The following COMMD1 variants were observed in gnomAD, a reference collection of about 807,000 sequenced individuals.
COMMD1 encodes the protein copper metabolism domain containing 1, also known as COMM domain-containing protein 1.
COMMD1 carries 10 observed loss-of-function variants against 17.2 expected under a neutral mutation model. The ratio of observed to expected loss-of-function variants is 0.58; its 90% CI spans 0.36 to 0.99. COMMD1 has a LOEUF of 0.99. Ranked by LOEUF, COMMD1 falls within the 50% of genes least tolerant of loss-of-function variation. The pLI, the probability that COMMD1 is intolerant of heterozygous loss-of-function variation, is 0.01. For missense variants in COMMD1, 270 were observed against 231.8 expected (o/e 1.17, Z -1.07); for synonymous variants, 97 against 91.6 (o/e 1.06, Z -0.34).
intron 2 of COMMD1, among the ~76,000 whole-genome samples, chr2:62,008,363 C>G (rs1573062907): frequency 8.7e-6 from 1 of 115,094 alleles, no homozygotes; most frequent in Admixed American, 8.2e-5. Context: ...CACAGACAGA[C>G]ACACACACAC....
chr2:62,109,762 C>T (rs1438046855), intron 2 of COMMD1, among the ~76,000 whole-genome samples: 1 of 152,002 alleles, frequency 6.6e-6, no homozygotes, highest in Non-Finnish European at 1.5e-5. Context: ...CTCCACTAAC[C>T]CTAACAACTA....
At chr2:62,058,202 G>A (rs1217874260) in intron 2 of COMMD1, among the ~76,000 whole-genome samples, 2 of 152,212 alleles carry the variant, frequency 1.3e-5, no homozygotes, top group African/African-American at 4.8e-5. Flanking sequence ...AGTTGTTAGT[G>A]TAGTATTTAC....
chr2:62,132,771 C>G (rs545572786), intron 2 of COMMD1, among the ~76,000 whole-genome samples: 328 of 152,080 alleles, frequency 2.2e-3, no homozygotes, highest in Non-Finnish European at 3.6e-3. Context: ...ATTGCCTGAA[C>G]CTGGGAGGCA....
At chr2:62,087,946 G>A (rs1671714530) in intron 2 of COMMD1, among the ~76,000 whole-genome samples, 1 of 152,076 alleles carries the variant, frequency 6.6e-6, no homozygotes, top group Non-Finnish European at 1.5e-5. Flanking sequence ...TTACTCCTGA[G>A]TCTCAGGGGT....
intron 2 of COMMD1, among the ~76,000 whole-genome samples, chr2:62,054,996 A>G (rs1217171453): frequency 2.6e-5 from 4 of 152,204 alleles, no homozygotes; most frequent in African/African-American, 4.8e-5. Flanking sequence ...TGGTGATGCT[A>G]CTAGCACTGG....
At chr2:61,933,460 G>A (rs1670522550) in intron 1 of COMMD1, among the ~76,000 whole-genome samples, 1 of 151,948 alleles carries the variant, frequency 6.6e-6, no homozygotes, top group African/African-American at 2.4e-5. Context: ...TTCACTTAGT[G>A]CAGAGGTTCC....
Position 61,931,884 on chromosome 2 carries a change from A to G in COMMD1, c.180+26026A>G, listed in dbSNP as rs551791372. Among the ~76,000 whole-genome samples, 7 of 152,326 alleles carry G rather than the reference A, an allele frequency of 4.6e-5. No individual in the cohort carries two copies. The South Asian group carries it at 1.4e-3, about 32-fold the overall frequency. ...TCCGTTAGGAAAGACAGCTTTGAGGAATGAGAATTTTGAGAAGATACGTAC... is the reference window on the plus strand; with the variant it reads ...TCCGTTAGGAAAGACAGCTTTGAGGGATGAGAATTTTGAGAAGATACGTAC... On this transcript the variant is annotated intron_variant, in intron 1 of 2. Coordinates refer to ENST00000311832, the MANE Select transcript of COMMD1 (RefSeq NM_152516.4).
chr2:61,957,042 C>T (rs1271022783), intron 1 of COMMD1, among the ~76,000 whole-genome samples: 6 of 152,072 alleles, frequency 3.9e-5, no homozygotes, highest in South Asian at 2.1e-4. Context: ...TGAGCCACCA[C>T]GCCCGGCAAG....
intron 1 of COMMD1, among the ~76,000 whole-genome samples, chr2:61,987,361 TG>T (rs372527396): frequency 3.3e-5 from 5 of 152,300 alleles, no homozygotes; most frequent in African/African-American, 9.6e-5. Flanking sequence ...TTTGAAAGGA[TG>T]GGGGTGTTGT....
At chr2:62,019,175 T>G (rs1430233438) in intron 2 of COMMD1, among the ~76,000 whole-genome samples, 1 of 143,266 alleles carries the variant, frequency 7.0e-6, no homozygotes, top group East Asian at 2.3e-4. Context: ...CCTTTCTCTT[T>G]TCTTTCATTT....
chr2:62,025,368 A>G (rs1669726622), intron 2 of COMMD1, among the ~76,000 whole-genome samples: 1 of 152,006 alleles, frequency 6.6e-6, no homozygotes. Flanking sequence ...TCTACAAAAA[A>G]ATTCTTAAAA....
At chr2:62,009,776 T>G (rs1265585048) in intron 2 of COMMD1, among the ~76,000 whole-genome samples, 1 of 152,018 alleles carries the variant, frequency 6.6e-6, no homozygotes, top group East Asian at 1.9e-4. Flanking sequence ...AGGGAATGTT[T>G]TAACAAAGTA....
chr2:61,916,561 A>G (rs1670055971), intron 1 of COMMD1, among the ~76,000 whole-genome samples: 1 of 152,020 alleles, frequency 6.6e-6, no homozygotes, highest in Non-Finnish European at 1.5e-5. Flanking sequence ...GGCTGGGACT[A>G]CAGGTGTGTG....
chr2:62,045,862 G>T (rs1230512094), intron 2 of COMMD1, among the ~76,000 whole-genome samples: 1 of 145,340 alleles, frequency 6.9e-6, no homozygotes, highest in Admixed American at 7.2e-5. Context: ...TCAGCCTCCC[G>T]AGTAGCTGGG....
intron 1 of COMMD1, among the ~76,000 whole-genome samples, chr2:61,909,573 A>T (rs1243970396): frequency 6.6e-6 from 1 of 152,186 alleles, no homozygotes; most frequent in Non-Finnish European, 1.5e-5. Context: ...ACCAATGTGG[A>T]GTATTGGTGG....
chr2:62,058,614 G>A (rs10180503), intron 2 of COMMD1, among the ~76,000 whole-genome samples: 6 of 151,844 alleles, frequency 4.0e-5, no homozygotes, highest in African/African-American at 7.3e-5. Context: ...TGGTGCACTC[G>A]TGTGGTCCCA....
At chr2:61,906,909 G>A (rs1278383832) in intron 1 of COMMD1, among the ~76,000 whole-genome samples, 1 of 152,018 alleles carries the variant, frequency 6.6e-6, no homozygotes, top group Non-Finnish European at 1.5e-5. Flanking sequence ...TCTTTAAAAG[G>A]CACTTCTGTA....
intron 1 of COMMD1, among the ~76,000 whole-genome samples, chr2:61,961,829 A>G (rs1342493556): frequency 6.6e-6 from 1 of 152,138 alleles, no homozygotes; most frequent in East Asian, 1.9e-4. Flanking sequence ...TTATTTCCAG[A>G]TATTAATTTC....
chr2:61,908,227 C>CTTT (rs939199316), intron 1 of COMMD1, among the ~76,000 whole-genome samples: 4 of 135,258 alleles, frequency 3.0e-5, no homozygotes, highest in Non-Finnish European at 3.2e-5. Flanking sequence ...TTATTGAACT[C>CTTT]TTTTTTTTTT....
Sources: allele counts gnomAD v4.1 joint callset (sites outside exome capture counted in the v4.1 genomes callset), GRCh38; gene constraint gnomAD v4.1.1; transcripts MANE v1.5; gene names NCBI Gene and HGNC (gene_info 2026-07-23, HGNC 2026-07-21).